The following PRR16 variants were observed in gnomAD, a reference collection of about 807,000 sequenced individuals.
PRR16 encodes proline rich 16, also known as protein Largen.
In PRR16, 6 loss-of-function variants were observed where a neutral mutation model predicts 18.2. That is an observed-to-expected ratio of 0.33 (90% CI 0.18 to 0.65). The LOEUF (loss-of-function observed/expected upper bound fraction) is 0.65. Among genes scored for constraint, PRR16 ranks in the 30% least tolerant of loss-of-function variants. PRR16 has a pLI of 0.74. For missense variants in PRR16, 412 were observed against 376.6 expected, an observed-to-expected ratio of 1.09 and a Z score of -0.78; for synonymous variants, 151 against 147.8, an observed-to-expected ratio of 1.02 and a Z score of -0.16.
At chr5:120,532,407 G>A (rs1044241149) in intron 1 of PRR16, among the ~76,000 whole-genome samples, 20 of 151,774 alleles carry the variant, frequency 1.3e-4, no homozygotes, top group African/African-American at 4.6e-4. Context: ...AGGACTAGTA[G>A]GATAACTATC....
intron 1 of PRR16, among the ~76,000 whole-genome samples, chr5:120,517,554 A>G (rs1225520546): frequency 1.3e-5 from 2 of 152,146 alleles, no homozygotes; most frequent in Non-Finnish European, 2.9e-5. Flanking sequence ...GAAACATTTG[A>G]TGTTGATAAA....
chr5:120,537,363 T>C (rs1485946692), intron 1 of PRR16, among the ~76,000 whole-genome samples: 4 of 152,200 alleles, frequency 2.6e-5, no homozygotes, highest in Non-Finnish European at 5.9e-5. Context: ...AGAGGTGTTA[T>C]TAACTAGACT....
chr5:120,473,026 A>G (rs950537862), intron 1 of PRR16, among the ~76,000 whole-genome samples: 4 of 152,198 alleles, frequency 2.6e-5, no homozygotes, highest in Non-Finnish European at 5.9e-5. Flanking sequence ...ATGAATTATG[A>G]AAGACATATT....
At chr5:120,779,808 C>T in the PRR16 span, among the ~76,000 whole-genome samples, 1 of 152,102 alleles carries the variant, frequency 6.6e-6, no homozygotes, top group Non-Finnish European at 1.5e-5. Context: ...GCTACTGCCA[C>T]CTCCTTCAGT....
chr5:120,709,258 G>A, the PRR16 span, among the ~76,000 whole-genome samples: 16,092 of 151,712 alleles, frequency 0.11, 1,068 homozygotes, highest in Non-Finnish European at 0.14. Flanking sequence ...CTGCCCGCCT[G>A]GGCCTCCCAA....
At chr5:120,717,091 AT>A in the PRR16 span, among the ~76,000 whole-genome samples, 1 of 150,996 alleles carries the variant, frequency 6.6e-6, no homozygotes, top group African/African-American at 2.4e-5. Flanking sequence ...AAGTATTTTG[AT>A]GTTAAGTTGT....
At chr5:120,700,726 A>T in the PRR16 span, among the ~76,000 whole-genome samples, 3 of 152,078 alleles carry the variant, frequency 2.0e-5, no homozygotes, top group Admixed American at 2.0e-4. Context: ...AAAGAAAGTA[A>T]TGTGGAGTGG....
chr5:120,488,405 A>G (rs550909279), intron 1 of PRR16, among the ~76,000 whole-genome samples: 160 of 152,046 alleles, frequency 1.1e-3, no homozygotes, highest in Non-Finnish European at 1.6e-3. Flanking sequence ...GAATTTATCT[A>G]TTTCCTCTAG....
intron 1 of PRR16, among the ~76,000 whole-genome samples, chr5:120,485,015 T>C (rs1018708166): frequency 1.3e-5 from 2 of 151,932 alleles, no homozygotes; most frequent in African/African-American, 2.4e-5. Flanking sequence ...GATAAGGTTT[T>C]TCTTTCCTGA....
the PRR16 span, among the ~76,000 whole-genome samples, chr5:120,779,987 A>G: frequency 2.0e-5 from 3 of 152,178 alleles, no homozygotes; most frequent in Admixed American, 1.3e-4. Context: ...ATAAAGGGGA[A>G]ATAAATGAAC....
intron 1 of PRR16, among the ~76,000 whole-genome samples, chr5:120,497,754 T>C (rs1167638850): frequency 6.6e-6 from 1 of 151,886 alleles, no homozygotes; most frequent in East Asian, 1.9e-4. Context: ...AATGATAACA[T>C]AGACAACATT....
the PRR16 span, among the ~76,000 whole-genome samples, chr5:120,705,295 T>G: frequency 6.6e-6 from 1 of 152,092 alleles, no homozygotes. Flanking sequence ...AGCTAAACTA[T>G]CCAATAAAAT....
chr5:120,650,175 C>T (rs1482907440), intron 1 of PRR16, among the ~76,000 whole-genome samples: 1 of 149,856 alleles, frequency 6.7e-6, no homozygotes, highest in African/African-American at 2.5e-5. Flanking sequence ...CAAGATCATG[C>T]GACTGCACTC....
At chr5:120,765,463 TG>T in the PRR16 span, among the ~76,000 whole-genome samples, 1 of 152,030 alleles carries the variant, frequency 6.6e-6, no homozygotes, top group Non-Finnish European at 1.5e-5. Flanking sequence ...CATCCAACTC[TG>T]GGGTAGTTTT....
chr5:120,510,654 G>A (rs895803244), intron 1 of PRR16, among the ~76,000 whole-genome samples: 3 of 152,036 alleles, frequency 2.0e-5, no homozygotes, highest in African/African-American at 7.2e-5. Flanking sequence ...GATGGGTGGG[G>A]ACTTAAAAAT....
At chr5:120,613,735 T>C (rs1202765069) in intron 1 of PRR16, among the ~76,000 whole-genome samples, 2 of 152,200 alleles carry the variant, frequency 1.3e-5, no homozygotes, top group African/African-American at 4.8e-5. Flanking sequence ...ATCGTTTAGA[T>C]GATGGCCACT....
At chr5:120,706,443 C>T in the PRR16 span, among the ~76,000 whole-genome samples, 1 of 152,164 alleles carries the variant, frequency 6.6e-6, no homozygotes, top group Non-Finnish European at 1.5e-5. Context: ...TGCTGATACG[C>T]TCCTTCAGCC....
At chr5:120,464,750 A>G (rs1749020130) in intron 1 of PRR16, 105 bp downstream of exon 1, 1 of 1,279,712 alleles carries the variant, frequency 7.8e-7, no homozygotes, top group African/African-American at 1.5e-5. Flanking sequence ...CTCCTGGGAA[A>G]CTACAGAAAA....
chr5:120,708,966 T>G, the PRR16 span, among the ~76,000 whole-genome samples: 1 of 150,192 alleles, frequency 6.7e-6, no homozygotes, highest in Non-Finnish European at 1.5e-5. Context: ...CTTTACTCTT[T>G]ACTCTTTGGT....
Sources: gnomAD v4.1 joint callset for allele counts (sites outside exome capture counted in the v4.1 genomes callset) on GRCh38, gnomAD v4.1.1 for gene constraint, MANE v1.5 for transcripts, NCBI Gene and HGNC (gene_info 2026-07-23, HGNC 2026-07-21) for gene names.